Variants in SRGAP3 observed in about 807,000 individuals in gnomAD.
SRGAP3 encodes the protein SLIT-ROBO Rho GTPase-activating protein 3.
In SRGAP3, 39 loss-of-function variants were observed where a neutral mutation model predicts 121.1. The ratio of observed to expected loss-of-function variants is 0.32; its 90% confidence interval spans 0.25 to 0.42. The LOEUF is 0.42. Ranked by LOEUF, SRGAP3 falls within the 10% of genes least tolerant of loss-of-function variation. The pLI is 1.00. For synonymous variants in SRGAP3, 601 were observed against 570.0 expected, an observed-to-expected ratio of 1.05 and a Z score of -0.77; for missense variants, 1,213 against 1,470.6, an observed-to-expected ratio of 0.82 and a Z score of 2.86.
At chr3:9,186,499 C>G (rs1406444034) in intron 1 of SRGAP3, among the ~76,000 whole-genome samples, 1 of 152,136 alleles carries the variant, frequency 6.6e-6, no homozygotes, top group Non-Finnish European at 1.5e-5. Context: ...TATGAAATAC[C>G]TACCACATGC....
chr3:9,199,526 T>C (rs186571227), intron 1 of SRGAP3, among the ~76,000 whole-genome samples: 1 of 152,342 alleles, frequency 6.6e-6, no homozygotes, highest in Admixed American at 6.5e-5. Context: ...TGTGGCTCTA[T>C]CACCTCCAGA....
At chr3:9,015,443 T>C (rs1044129448) in intron 15 of SRGAP3, among the ~76,000 whole-genome samples, 154 bp downstream of exon 15, 2 of 152,168 alleles carry the variant, frequency 1.3e-5, no homozygotes, top group African/African-American at 2.4e-5. Context: ...TTATAAACCA[T>C]CTTGTTATTT....
chr3:9,163,330 G>C (rs370866198), intron 1 of SRGAP3, among the ~76,000 whole-genome samples: 1 of 152,178 alleles, frequency 6.6e-6, no homozygotes, highest in Non-Finnish European at 1.5e-5. Flanking sequence ...CCTCCAGGGC[G>C]GTTCAACCAG....
intron 3 of SRGAP3, among the ~76,000 whole-genome samples, chr3:9,259,964 G>A (rs1954218352): frequency 6.6e-6 from 1 of 151,672 alleles, no homozygotes; most frequent in African/African-American, 2.4e-5. Context: ...TCATCTCATT[G>A]GGCCTGGTTA....
intron 1 of SRGAP3, among the ~76,000 whole-genome samples, chr3:9,358,644 T>C (rs77931696): frequency 0.021 from 3,237 of 152,306 alleles, 51 homozygotes; most frequent in Non-Finnish European, 0.032. Context: ...TCCAAGACTA[T>C]CCCCACCTCA....
intron 3 of SRGAP3, among the ~76,000 whole-genome samples, chr3:9,267,488 T>C (rs554109261): frequency 2.1e-4 from 32 of 152,276 alleles, no homozygotes; most frequent in African/African-American, 7.5e-4. Flanking sequence ...CTGTTCTGGA[T>C]GTTGTGGGTG....
chr3:9,252,131 T>C (rs925835382), upstream of SRGAP3, among the ~76,000 whole-genome samples: 2 of 152,134 alleles, frequency 1.3e-5, no homozygotes, highest in Non-Finnish European at 2.9e-5. Context: ...ACAAGAGATC[T>C]GGTTGATGAA....
chr3:9,236,379 G>A (rs552526078), intron 1 of SRGAP3: 3 of 156,714 alleles, frequency 1.9e-5, no homozygotes, highest in South Asian at 4.1e-4. Flanking sequence ...TTTTTATAAC[G>A]GTCTGATAGT....
At chr3:9,079,912 C>T (rs1026509941) in intron 4 of SRGAP3, 113 bp downstream of exon 4, 45 of 1,087,850 alleles carry the variant, frequency 4.1e-5, no homozygotes, top group South Asian at 9.8e-5. Context: ...CAGCATAAAA[C>T]GCAGCAAAAA....
chr3:9,170,607 C>G (rs1454067972), intron 1 of SRGAP3, among the ~76,000 whole-genome samples: 2 of 152,126 alleles, frequency 1.3e-5, no homozygotes, highest in African/African-American at 4.8e-5. Flanking sequence ...ATGGACATTC[C>G]CGGTGGTTCT....
intron 1 of SRGAP3, among the ~76,000 whole-genome samples, chr3:9,185,439 T>C (rs894165894): frequency 6.6e-6 from 1 of 152,044 alleles, no homozygotes; most frequent in African/African-American, 2.4e-5. Context: ...GGGCTGACTG[T>C]GGAAGGGAGG....
Position 8,990,661 on chromosome 3 carries a change from T to G in SRGAP3, c.2737A>C (p.Arg913=), listed in dbSNP as rs1003878990. Residue 913 remains arginine, a synonymous_variant, in exon 21 of 22, where the codon AGG becomes CGG. Coordinates refer to ENST00000383836, the MANE Select transcript of SRGAP3 (RefSeq NM_014850.4). ...CCAGCGCTCCCGAACGTCGCCATCC[T>G]CCGCTTCTCAGGGCTCTCGATCCTC... ...RGRIESPEKR[R]MATFGSAGSI... is the part of the protein sequence containing the mutation. 3.7e-6 allele frequency: 6 copies of G among 1,613,576 alleles called. No individual in the cohort carries two copies. The highest frequency in any genetic ancestry group is 5.1e-6 in the Non-Finnish European group (6 of 1,179,978).
At chr3:9,111,786 T>C (rs1948633001) in intron 2 of SRGAP3, among the ~76,000 whole-genome samples, 1 of 152,182 alleles carries the variant, frequency 6.6e-6, no homozygotes, top group African/African-American at 2.4e-5. Flanking sequence ...GACATCAGAA[T>C]GAATGAGGGC....
At position 8,982,965 on chromosome 3, in the gene SRGAP3, C is replaced by A. The variant is rs532198043; in HGVS notation, c.*2554G>T. The A allele has an allele frequency of 1.3e-5, 3 of 229,326 alleles. No individual in the cohort carries two copies. The Admixed American group carries it at 1.7e-4, about 13-fold the overall frequency. 14.2% of individuals were successfully genotyped at this position (229,326 alleles called of 1,614,324 possible). ...CAGTCAATTCAGAGAAAAATCCACA[C>A]GGTCTGATTGGTGTTATGTATATCA... On this transcript the variant is annotated 3_prime_UTR_variant, in exon 22 of 22. Transcript: ENST00000383836.
intron 1 of SRGAP3, among the ~76,000 whole-genome samples, chr3:9,143,512 T>C (rs1228284663): frequency 2.6e-5 from 4 of 152,276 alleles, no homozygotes; most frequent in Non-Finnish European, 5.9e-5. Context: ...AATTTTGCAT[T>C]GCAGTTTCCA....
intron 3 of SRGAP3, among the ~76,000 whole-genome samples, chr3:9,291,368 C>G (rs965141601): frequency 3.3e-5 from 5 of 152,188 alleles, no homozygotes; most frequent in Non-Finnish European, 5.9e-5. Flanking sequence ...TCACAAAATC[C>G]TGGCACAACT....
At chr3:9,030,601 G>A (rs1433136111) in intron 12 of SRGAP3, among the ~76,000 whole-genome samples, 1 of 152,198 alleles carries the variant, frequency 6.6e-6, no homozygotes, top group Non-Finnish European at 1.5e-5. Flanking sequence ...CACTCATGTG[G>A]TTGACTAGGT....
intron 3 of SRGAP3, among the ~76,000 whole-genome samples, chr3:9,273,640 G>A (rs948574530): frequency 6.6e-6 from 1 of 152,138 alleles, no homozygotes; most frequent in Non-Finnish European, 1.5e-5. Context: ...TGCTTTTGGT[G>A]TCATAGCCAA....
chr3:9,281,411 T>G (rs564690924), intron 3 of SRGAP3, among the ~76,000 whole-genome samples: 2 of 152,044 alleles, frequency 1.3e-5, no homozygotes, highest in Admixed American at 6.6e-5. Flanking sequence ...CAGGAGATAA[T>G]GTGGACTCCT....
Sources: allele counts gnomAD v4.1 joint callset (sites outside exome capture counted in the v4.1 genomes callset), GRCh38; gene constraint gnomAD v4.1.1; transcripts MANE v1.5; gene names NCBI Gene and HGNC (gene_info 2026-07-23, HGNC 2026-07-21).